CRIM1: variants seen among roughly 807,000 people sequenced by gnomAD.
The protein encoded by CRIM1 is cysteine-rich motor neuron 1 protein.
CRIM1 carries 32 observed loss-of-function variants against 116.4 expected under a neutral mutation model. The ratio of observed to expected loss-of-function variants is 0.27; its 90% confidence interval spans 0.21 to 0.37. The LOEUF (loss-of-function observed/expected upper bound fraction) is 0.37. Ranked by LOEUF, CRIM1 falls within the 10% of genes least tolerant of loss-of-function variation. The pLI is 1.00. For missense variants in CRIM1, 1,331 were observed against 1,354.8 expected, an observed-to-expected ratio of 0.98 and a Z score of 0.28; for synonymous variants, 590 against 509.2, an observed-to-expected ratio of 1.16 and a Z score of -2.13.
chr2:36,437,057 G>A (rs1437824014), intron 2 of CRIM1, among the ~76,000 whole-genome samples: 1 of 152,160 alleles, frequency 6.6e-6, no homozygotes, highest in African/African-American at 2.4e-5. Flanking sequence ...CAACCAAATA[G>A]AAATGAACCA....
chr2:36,358,723 A>G (rs1401958195), intron 1 of CRIM1, among the ~76,000 whole-genome samples: 2 of 152,044 alleles, frequency 1.3e-5, no homozygotes, highest in East Asian at 3.8e-4. Flanking sequence ...TTTATTTTAC[A>G]GGCCTGTTTT....
chr2:36,378,269 A>G, intron 1 of CRIM1: 1 of 468,806 alleles, frequency 2.1e-6, no homozygotes, highest in Non-Finnish European at 4.4e-6. Context: ...ATTTTTCTTC[A>G]CATTACATCA....
At chr2:36,393,273 T>G (rs1671758702) in intron 1 of CRIM1, among the ~76,000 whole-genome samples, 1 of 152,206 alleles carries the variant, frequency 6.6e-6, no homozygotes, top group Non-Finnish European at 1.5e-5. Context: ...AATGTGTGCC[T>G]CATACAGTGC....
intron 2 of CRIM1, among the ~76,000 whole-genome samples, chr2:36,410,169 C>T (rs1306977760): frequency 6.6e-6 from 1 of 152,168 alleles, no homozygotes; most frequent in Non-Finnish European, 1.5e-5. Context: ...TTTTAAGGAA[C>T]TGGAATGTCC....
chr2:36,541,953 A>T (rs934649726), intron 14 of CRIM1, among the ~76,000 whole-genome samples: 3 of 152,196 alleles, frequency 2.0e-5, no homozygotes, highest in African/African-American at 7.2e-5. Context: ...GCAGTTTTTT[A>T]ACTGAAAGAA....
intron 3 of CRIM1, 27 bp from the exon 4 acceptor site, chr2:36,442,588 C>T (rs367639319): frequency 1.2e-5 from 20 of 1,613,814 alleles, no homozygotes; most frequent in South Asian, 8.8e-5. Context: ...TAACAATAAA[C>T]GGTGCCTCTC....
chr2:36,471,761 C>CACACA (rs72156127), intron 5 of CRIM1, among the ~76,000 whole-genome samples: 9,121 of 128,600 alleles, frequency 0.071, 471 homozygotes, highest in East Asian at 0.32. Context: ...ACACACACAC[C>CACACA]ATCTTACAAT....
At chr2:36,545,922 G>C (rs1220435442) in intron 15 of CRIM1, among the ~76,000 whole-genome samples, 1 of 152,114 alleles carries the variant, frequency 6.6e-6, no homozygotes, top group Non-Finnish European at 1.5e-5. Context: ...TGGAAAATAT[G>C]TTTCTATAAA....
chr2:36,530,918 G>C (rs975393058), intron 13 of CRIM1, among the ~76,000 whole-genome samples: 1 of 152,194 alleles, frequency 6.6e-6, no homozygotes, highest in Non-Finnish European at 1.5e-5. Flanking sequence ...GGGTGCAGGA[G>C]CGTCTCCTGA....
chr2:36,499,700 G>A (rs573705706), intron 8 of CRIM1, among the ~76,000 whole-genome samples: 3 of 152,088 alleles, frequency 2.0e-5, no homozygotes, highest in Admixed American at 6.5e-5. Context: ...GTCACATTCC[G>A]CATATGACAG....
Position 36,441,239 on chromosome 2 carries a change from T to C in CRIM1, c.506-19T>C, listed in dbSNP as rs141047679. ...CACACTGCCCTGGGCATAAGCTAAA[T>C]TCTTTCTCTCCCTTTTAGAAGAGAA... On this transcript the variant is annotated intron_variant, in intron 2 of 16. Transcript: ENST00000280527. 2.1e-4 allele frequency: 331 copies of C among 1,614,024 alleles called. 2 individuals are homozygous for C. In the East Asian group the frequency reaches 7.2e-3, roughly 35 times the overall value.
intron 2 of CRIM1, 29 bp from the exon 3 acceptor site, chr2:36,441,229 A>G (rs932417688): frequency 1.2e-6 from 2 of 1,613,636 alleles, no homozygotes; most frequent in African/African-American, 1.3e-5. Context: ...TGCCCTGGGC[A>G]TAAGCTAAAT....
At chr2:36,381,302 G>T (rs1343189177) in intron 1 of CRIM1, among the ~76,000 whole-genome samples, 1 of 152,230 alleles carries the variant, frequency 6.6e-6, no homozygotes, top group Non-Finnish European at 1.5e-5. Context: ...ATGCTGCCCA[G>T]CGCGGCCCCA....
At chr2:36,362,550 G>A (rs1410566028) in intron 1 of CRIM1, among the ~76,000 whole-genome samples, 1 of 152,160 alleles carries the variant, frequency 6.6e-6, no homozygotes, top group Non-Finnish European at 1.5e-5. Context: ...GGATAAGCGT[G>A]GGCAGTAAAC....
At chr2:36,377,336 A>C (rs1281035643) in intron 1 of CRIM1, among the ~76,000 whole-genome samples, 3 of 152,246 alleles carry the variant, frequency 2.0e-5, no homozygotes, top group Non-Finnish European at 4.4e-5. Context: ...TACAGTCTCA[A>C]GAAAACCTGC....
intron 5 of CRIM1, among the ~76,000 whole-genome samples, chr2:36,472,994 A>T (rs1252134434): frequency 6.6e-6 from 1 of 152,194 alleles, no homozygotes; most frequent in Non-Finnish European, 1.5e-5. Flanking sequence ...AAACATTCAC[A>T]TGTAGTACGT....
At chr2:36,466,615 G>A (rs565547420) in intron 5 of CRIM1, among the ~76,000 whole-genome samples, 2 of 152,332 alleles carry the variant, frequency 1.3e-5, no homozygotes, top group South Asian at 2.1e-4. Context: ...AATGTGAACT[G>A]CTGGAGGACA....
At chr2:36,379,903 TAA>T (rs34543532) in intron 1 of CRIM1, among the ~76,000 whole-genome samples, 28,700 of 139,522 alleles carry the variant, frequency 0.21, 3,245 homozygotes, top group Non-Finnish European at 0.27. Flanking sequence ...ATGGTTTGGT[TAA>T]AAAAAAAAAA....
intron 1 of CRIM1, among the ~76,000 whole-genome samples, chr2:36,389,477 C>T (rs1365253323): frequency 6.6e-6 from 1 of 152,174 alleles, no homozygotes; most frequent in Non-Finnish European, 1.5e-5. Flanking sequence ...GATATATATT[C>T]CCAGGAGCTT....
Sources: allele counts gnomAD v4.1 joint callset (sites outside exome capture counted in the v4.1 genomes callset), GRCh38; gene constraint gnomAD v4.1.1; transcripts MANE v1.5; gene names NCBI Gene and HGNC (gene_info 2026-07-23, HGNC 2026-07-21).